Variants in ITPK1 observed in about 807,000 individuals in gnomAD.
ITPK1 encodes inositol-tetrakisphosphate 1-kinase, also known as inositol 1,3,4-trisphosphate 5/6-kinase.
Under a neutral mutation model 45.3 loss-of-function variants are expected in ITPK1, and 21 were observed. The ratio of observed to expected loss-of-function variants is 0.46; its 90% CI spans 0.33 to 0.67. The LOEUF (loss-of-function observed/expected upper bound fraction) is 0.67, where lower values mean the gene tolerates loss of function less well. Among genes scored for constraint, ITPK1 ranks in the 30% least tolerant of loss-of-function variants. The pLI is 0.02. For synonymous variants in ITPK1, 258 were observed against 253.6 expected (o/e 1.02, Z -0.16); for missense variants, 474 against 573.5 (o/e 0.83, Z 1.77).
At chr14:93,114,541 A>G (rs774416258) in intron 2 of ITPK1, among the ~76,000 whole-genome samples, 1 of 152,186 alleles carries the variant, frequency 6.6e-6, no homozygotes, top group Non-Finnish European at 1.5e-5. Context: ...GCAAATCACC[A>G]CATACATGCC....
intron 5 of ITPK1, among the ~76,000 whole-genome samples, chr14:92,967,677 A>C (rs1440616371): frequency 6.6e-6 from 1 of 152,250 alleles, no homozygotes; most frequent in African/African-American, 2.4e-5. Context: ...CTGCAGAAGG[A>C]ATAAACAAAA....
chr14:93,100,469 G>A (rs1483251631), intron 2 of ITPK1, among the ~76,000 whole-genome samples: 1 of 152,014 alleles, frequency 6.6e-6, no homozygotes, highest in Non-Finnish European at 1.5e-5. Context: ...TGCACCACAT[G>A]GGCCTGAGAA....
intron 5 of ITPK1, among the ~76,000 whole-genome samples, chr14:92,965,179 C>G (rs2139748709): frequency 6.6e-6 from 1 of 152,354 alleles, no homozygotes; most frequent in South Asian, 2.1e-4. Flanking sequence ...GCATGCTACT[C>G]TGCTCTGTGG....
rs1445758894 is a variant in ITPK1, at chr14:93,014,843, G to A, written c.246+1833C>T. Among the ~76,000 whole-genome samples the A allele has an allele frequency of 6.6e-6, 1 of 152,266 alleles. No individual in the cohort carries two copies. The highest frequency in any genetic ancestry group is 1.9e-4 in the East Asian group (1 of 5,202). On this transcript the variant is annotated intron_variant, in intron 4 of 10. Coordinates refer to ENST00000267615, the MANE Select transcript of ITPK1 (RefSeq NM_014216.6). The surrounding 1 kb of genome is among the most constrained non-coding windows in gnomAD (Gnocchi z 4.4). ...CGCTTTCGAGCAGGGCTTGGTAAGC[G>A]GTAACTGCTCTGCAGTGCTTTCTGA... is the stretch of plus-strand genomic sequence containing the variant.
chr14:93,096,189 C>T (rs908424902), intron 2 of ITPK1, among the ~76,000 whole-genome samples: 9 of 152,194 alleles, frequency 5.9e-5, no homozygotes, highest in East Asian at 1.9e-4. Context: ...TTGCTAAACC[C>T]GCTTCCCCTG....
chr14:92,949,560 TAAGCCATAACAG>T (rs1433051074), intron 9 of ITPK1, among the ~76,000 whole-genome samples: 1 of 152,202 alleles, frequency 6.6e-6, no homozygotes, highest in Non-Finnish European at 1.5e-5. Context: ...CTGTGTACCC[TAAGCCATAACAG>T]AACCCTTCTG....
intron 3 of ITPK1, among the ~76,000 whole-genome samples, chr14:93,021,925 G>A (rs745425200): frequency 6.6e-6 from 1 of 152,170 alleles, no homozygotes; most frequent in Non-Finnish European, 1.5e-5. Flanking sequence ...CCAATTACTC[G>A]GATAATGGGA....
At chr14:93,071,450 C>T (rs1369637076) in intron 3 of ITPK1, 1 of 152,198 alleles carries the variant, frequency 6.6e-6, no homozygotes, top group Non-Finnish European at 1.5e-5. Flanking sequence ...CAAACCCCCA[C>T]AAAATAAATG....
chr14:93,114,944 G>A, intron 2 of ITPK1, 125 bp downstream of exon 2: 1 of 523,982 alleles, frequency 1.9e-6, no homozygotes, highest in South Asian at 2.8e-5. Context: ...GTCTCCCCGC[G>A]CGCCGCTTCT....
intron 5 of ITPK1, among the ~76,000 whole-genome samples, chr14:92,970,263 T>C (rs1008828880): frequency 6.6e-6 from 1 of 152,190 alleles, no homozygotes; most frequent in African/African-American, 2.4e-5. Flanking sequence ...AGCTGAAACC[T>C]TGGGCACACG....
chr14:92,981,349 G>A (rs1339212134), intron 5 of ITPK1, among the ~76,000 whole-genome samples: 1 of 152,136 alleles, frequency 6.6e-6, no homozygotes, highest in Non-Finnish European at 1.5e-5. Context: ...CCTCGGCATG[G>A]GGCTCTCTCC....
chr14:93,093,506 C>G (rs778748376), intron 2 of ITPK1, among the ~76,000 whole-genome samples: 1 of 152,218 alleles, frequency 6.6e-6, no homozygotes, highest in East Asian at 1.9e-4. Flanking sequence ...CTTTCTTCCC[C>G]CCTCAGCCCT....
chr14:92,938,417 G>A lies in ITPK1; in HGVS notation c.*3144C>T. ...CGACAGGCTGGCTCCCTTGGTCTTG[G>A]GGTGGCTGTCTGGCAGGCAACAGCT... On this transcript the variant is annotated 3_prime_UTR_variant, in exon 11 of 11. Transcript: ENST00000267615. 8.0e-7 allele frequency: 1 copy of A among 1,254,076 alleles called. No homozygotes were observed. Among genetic ancestry groups the A allele is most frequent in the Non-Finnish European group, 1.2e-6 (1 of 851,964 alleles). The allele number at this position is 1,254,076 out of a possible 1,614,324, so 77.7% of individuals were successfully genotyped here. A position where few individuals can be genotyped will look rare whatever the true frequency, so the allele number is the denominator to read the frequency against.
intron 9 of ITPK1, among the ~76,000 whole-genome samples, chr14:92,948,625 G>A (rs934484190): frequency 6.6e-6 from 1 of 151,744 alleles, no homozygotes; most frequent in Non-Finnish European, 1.5e-5. Context: ...GGTGTGAGCC[G>A]CTGTGCCAGG....
At chr14:93,108,768 T>C (rs767514256) in intron 2 of ITPK1, among the ~76,000 whole-genome samples, 1 of 152,216 alleles carries the variant, frequency 6.6e-6, no homozygotes, top group Non-Finnish European at 1.5e-5. Context: ...ATCCCAGCAC[T>C]TTGGGAGGCC....
At chr14:93,052,479 C>T (rs139807767) in intron 3 of ITPK1, among the ~76,000 whole-genome samples, 4 of 152,290 alleles carry the variant, frequency 2.6e-5, no homozygotes, top group Admixed American at 6.5e-5. Flanking sequence ...CAGGCCCTGG[C>T]TGACTCTCTG....
At chr14:93,020,793 TCA>T (rs2139865963) in intron 3 of ITPK1, among the ~76,000 whole-genome samples, 1 of 152,266 alleles carries the variant, frequency 6.6e-6, no homozygotes, top group South Asian at 2.1e-4. Context: ...TCTAGGAACC[TCA>T]GTTTCCTTGT....
Position 92,958,361 on chromosome 14 carries a change from A to G in ITPK1, c.510T>C (p.Ala170=). The G allele has an allele frequency of 6.2e-7, 1 of 1,614,094 alleles. No individual in the cohort carries two copies. Among genetic ancestry groups the G allele is most frequent in the Non-Finnish European group, 8.5e-7 (1 of 1,179,992 alleles). Residue 170 remains alanine, a synonymous_variant, in exon 8 of 11, where the codon GCT becomes GCC. Transcript: ENST00000267615. This position sits in a 1 kb window ranked among gnomAD's most constrained non-coding sequence, Gnocchi z 4.4. ...TCAGGCCCTCCTGGTTGAACACGAT[A>G]GCCATCTGGGAAGACAAGGGGTCAA... The part of the protein sequence containing the change: ...VAHGTNSHEM[A]IVFNQEGLNA...
intron 5 of ITPK1, 31 bp downstream of exon 5, chr14:92,993,849 G>A (rs757103532): frequency 2.1e-6 from 3 of 1,426,566 alleles, no homozygotes; most frequent in African/African-American, 2.8e-5. Context: ...GTGGCTGCCT[G>A]CCACGGATGT....
Sources: gnomAD v4.1 joint callset for allele counts (sites outside exome capture counted in the v4.1 genomes callset) on GRCh38, gnomAD v4.1.1 for gene constraint, Gnocchi (gnomAD v3.1) non-coding constraint, MANE v1.5 for transcripts, NCBI Gene and HGNC (gene_info 2026-07-23, HGNC 2026-07-21) for gene names.